The following SLC24A2 variants were observed in gnomAD, a reference collection of about 807,000 sequenced individuals.
SLC24A2 encodes sodium/potassium/calcium exchanger 2.
SLC24A2 carries 36 observed loss-of-function variants against 62.0 expected under a neutral mutation model. The observed-to-expected ratio is 0.58, with a 90% confidence interval of 0.44 to 0.77. SLC24A2 has a LOEUF of 0.77. Ranked by LOEUF, SLC24A2 falls within the 30% of genes least tolerant of loss-of-function variation. The pLI is 0.00. For synonymous variants in SLC24A2, 358 were observed against 294.0 expected (o/e 1.22, Z -2.23); for missense variants, 846 against 817.9 (o/e 1.03, Z -0.42).
chr9:19,787,323 G>T (rs1270278284), intron 1 of SLC24A2, among the ~76,000 whole-genome samples: 1 of 152,196 alleles, frequency 6.6e-6, no homozygotes, highest in African/African-American at 2.4e-5. Context: ...AGAGAAGGCA[G>T]ATGTAAGAAT....
chr9:19,787,815 G>C (rs2118953809), intron 1 of SLC24A2, among the ~76,000 whole-genome samples: 1 of 152,230 alleles, frequency 6.6e-6, no homozygotes, highest in South Asian at 2.1e-4. Flanking sequence ...ATAACAAGTA[G>C]GCTATTTCGA....
At chr9:19,898,481 G>A in the SLC24A2 span, among the ~76,000 whole-genome samples, 5 of 152,094 alleles carry the variant, frequency 3.3e-5, no homozygotes, top group South Asian at 6.2e-4. Flanking sequence ...GGTGGCTCAC[G>A]CCTGTAATTC....
At chr9:20,258,853 CTAATGTCT>C in the SLC24A2 span, among the ~76,000 whole-genome samples, 1 of 95,676 alleles carries the variant, frequency 1.0e-5, no homozygotes, top group Non-Finnish European at 2.3e-5. Flanking sequence ...ATCTATCTAT[CTAATGTCT>C]ATCTATCCAT....
chr9:19,820,059 A>AGTG, the SLC24A2 span, among the ~76,000 whole-genome samples: 1 of 53,644 alleles, frequency 1.9e-5, no homozygotes, highest in African/African-American at 8.2e-5. Flanking sequence ...ATATATACAC[A>AGTG]TATATATATA....
the SLC24A2 span, among the ~76,000 whole-genome samples, chr9:20,013,238 A>AT: frequency 7.2e-5 from 11 of 151,980 alleles, no homozygotes; most frequent in Non-Finnish European, 8.8e-5. Flanking sequence ...TAAAAAAAAA[A>AT]TAAGATAAAA....
the SLC24A2 span, among the ~76,000 whole-genome samples, chr9:20,105,755 C>T: frequency 7.2e-5 from 11 of 151,910 alleles, no homozygotes; most frequent in African/African-American, 1.2e-4. Flanking sequence ...AGGAAAGATC[C>T]AAAATTGACA....
chr9:19,563,856 C>A (rs1437447537), intron 7 of SLC24A2, among the ~76,000 whole-genome samples: 1 of 128,774 alleles, frequency 7.8e-6, no homozygotes, highest in Non-Finnish European at 1.7e-5. Context: ...CTCCCTCCCT[C>A]CCTCCCTCCT....
rs1213462320 is a variant in SLC24A2, at chr9:19,528,061, C to A, written c.1557G>T (p.Trp519Cys). ...ATCAAAATCTTACCTGGTGCGCCCA[C>A]CAGACCATCAAGTAAGAGAATACTG... ...WIAVFSYLMV[W>C]WAHQVGETIG... The change falls in exon 9 of 11, where the codon TGG becomes TGT. Residue 519 changes from tryptophan to cysteine, a missense_variant. Transcript: ENST00000341998. 6.3e-7 allele frequency: 1 copy of A among 1,591,200 alleles called. No homozygotes were observed.
the SLC24A2 span, among the ~76,000 whole-genome samples, chr9:20,239,004 C>T: frequency 2.4e-3 from 362 of 152,294 alleles, 2 homozygotes; most frequent in African/African-American, 8.4e-3. Context: ...AGGAAGAGAG[C>T]TCTCACCAGA....
chr9:19,807,476 A>C, the SLC24A2 span, among the ~76,000 whole-genome samples: 4 of 152,240 alleles, frequency 2.6e-5, no homozygotes, highest in African/African-American at 9.6e-5. Context: ...ATTAGAAAGA[A>C]CAAATGAGAA....
the SLC24A2 span, among the ~76,000 whole-genome samples, chr9:20,233,006 G>T: frequency 6.6e-6 from 1 of 152,136 alleles, no homozygotes; most frequent in Non-Finnish European, 1.5e-5. Flanking sequence ...TCAGGAGCAG[G>T]TTGTTCAGTT....
upstream of SLC24A2, among the ~76,000 whole-genome samples, chr9:19,790,146 AGCTT>A (rs1007900456): frequency 2.0e-5 from 3 of 152,058 alleles, no homozygotes; most frequent in African/African-American, 7.2e-5. Context: ...ATGTTGCCCA[AGCTT>A]GTCTTGAATT....
At chr9:20,185,536 G>A in the SLC24A2 span, among the ~76,000 whole-genome samples, 5 of 151,626 alleles carry the variant, frequency 3.3e-5, no homozygotes, top group African/African-American at 1.2e-4. Flanking sequence ...GTGGTTGTGG[G>A]CGCCTGTAGT....
At chr9:19,525,436 C>T (rs1014878149) in intron 9 of SLC24A2, among the ~76,000 whole-genome samples, 1 of 111,342 alleles carries the variant, frequency 9.0e-6, no homozygotes, top group African/African-American at 3.5e-5. Flanking sequence ...CAGGGTCTTA[C>T]TCTGCCACCC....
chr9:19,637,913 T>C lies in SLC24A2; in HGVS notation c.931-15614A>G, dbSNP rs186347445. Among the ~76,000 whole-genome samples the C allele has an allele frequency of 2.5e-4, 38 of 152,304 alleles. No individual in the cohort carries two copies. The East Asian group carries it at 6.0e-3, about 24-fold the overall frequency. ...AATCAACCAGTGAAGTCCACCTGTA[T>C]TGGGGGGTAGTTTGCTTGCTGTGCT... is the stretch of plus-strand genomic sequence containing the variant. On this transcript the variant is annotated intron_variant, in intron 2 of 10. Transcript: ENST00000341998.
At chr9:19,960,601 C>A in the SLC24A2 span, among the ~76,000 whole-genome samples, 1 of 152,166 alleles carries the variant, frequency 6.6e-6, no homozygotes, top group African/African-American at 2.4e-5. Flanking sequence ...CAAAGGGATG[C>A]TGAGAAGAGT....
the SLC24A2 span, among the ~76,000 whole-genome samples, chr9:19,977,403 T>C: frequency 2.6e-5 from 4 of 151,766 alleles, no homozygotes; most frequent in Non-Finnish European, 5.9e-5. Flanking sequence ...AGGAGAAAAA[T>C]AATGAAATAA....
chr9:20,106,461 C>T, the SLC24A2 span, among the ~76,000 whole-genome samples: 3 of 152,168 alleles, frequency 2.0e-5, no homozygotes, highest in Non-Finnish European at 4.4e-5. Flanking sequence ...AAAATACTGG[C>T]AAACCGAATC....
chr9:19,723,470 A>G (rs1477844329), intron 2 of SLC24A2, among the ~76,000 whole-genome samples: 1 of 152,156 alleles, frequency 6.6e-6, no homozygotes, highest in Non-Finnish European at 1.5e-5. Context: ...CATTTAATTT[A>G]CAGTCAAGGT....
Sources: allele counts gnomAD v4.1 joint callset (sites outside exome capture counted in the v4.1 genomes callset), GRCh38; gene constraint gnomAD v4.1.1; transcripts MANE v1.5; gene names NCBI Gene and HGNC (gene_info 2026-07-23, HGNC 2026-07-21).